Variants in AUTS2 observed in about 807,000 individuals in gnomAD.
The protein encoded by AUTS2 is activator of transcription and developmental regulator AUTS2, also known as autism susceptibility gene 2 protein.
A neutral mutation model predicts 112.4 loss-of-function variants in AUTS2; 17 were observed. That is an observed-to-expected ratio of 0.15 (90% CI 0.10 to 0.23). The LOEUF is 0.23. AUTS2 is among the 10% of genes least tolerant of loss of function. AUTS2 has a pLI of 1.00. For synonymous variants in AUTS2, 751 were observed against 702.7 expected (o/e 1.07, Z -1.09); for missense variants, 1,510 against 1,701.6 (o/e 0.89, Z 1.98).
intron 1 of AUTS2, among the ~76,000 whole-genome samples, chr7:69,661,696 G>C: frequency 6.6e-6 from 1 of 152,196 alleles, no homozygotes. Context: ...CTGAGGTAGT[G>C]TTCCACAGTG....
chr7:70,584,888 G>A (rs909101326), intron 5 of AUTS2, among the ~76,000 whole-genome samples: 1 of 152,238 alleles, frequency 6.6e-6, no homozygotes, highest in African/African-American at 2.4e-5. Flanking sequence ...TGGAAGCCTG[G>A]CCTCACCCAG....
intron 4 of AUTS2, chr7:70,291,152 T>A (rs1252241332): frequency 6.6e-6 from 1 of 152,198 alleles, no homozygotes; most frequent in Non-Finnish European, 1.5e-5. Context: ...TCAGCAGCTT[T>A]ATCTACCATA....
At chr7:70,581,802 A>AT (rs1486417186) in intron 5 of AUTS2, among the ~76,000 whole-genome samples, 2 of 152,190 alleles carry the variant, frequency 1.3e-5, no homozygotes, top group East Asian at 1.9e-4. Context: ...TAATTCAGGC[A>AT]TTTTTTTAAT....
intron 4 of AUTS2, among the ~76,000 whole-genome samples, chr7:70,410,398 T>TTTTTTTTATTTATTTA (rs1554394747): frequency 3.6e-5 from 5 of 140,766 alleles, no homozygotes; most frequent in African/African-American, 1.3e-4. Context: ...AGGGTTTGTC[T>TTTTTTTTATTTATTTA]TTTATTTATT....
Position 69,694,118 on chromosome 7 carries a change from G to A in AUTS2, c.309+94156G>A, listed in dbSNP as rs1206343056. Reference sequence around the variant, plus strand: ...TTGCAGTGATGGCTTCCTTAGACTCGTGTGTGATTGTTGCTGGGGCAGTTA... The same window carrying A: ...TTGCAGTGATGGCTTCCTTAGACTCATGTGTGATTGTTGCTGGGGCAGTTA... On this transcript the variant is annotated intron_variant, in intron 1 of 18. Transcript: ENST00000342771. Among the ~76,000 whole-genome samples, 9 of 152,240 alleles carry A rather than the reference G, an allele frequency of 5.9e-5. 1 individual carries two copies. The South Asian group carries it at 1.7e-3, about 28-fold the overall frequency.
intron 5 of AUTS2, among the ~76,000 whole-genome samples, chr7:70,513,720 GTGCAATCTCGGCTCAC>G (rs1415280660): frequency 6.6e-6 from 1 of 150,870 alleles, no homozygotes; most frequent in Non-Finnish European, 1.5e-5. Flanking sequence ...GAGTGTAGTG[GTGCAATCTCGGCTCAC>G]TGCAACCTCT....
chr7:70,103,212 G>T (rs1804592333), intron 2 of AUTS2, among the ~76,000 whole-genome samples: 1 of 152,070 alleles, frequency 6.6e-6, no homozygotes, highest in Non-Finnish European at 1.5e-5. Context: ...ACTCTGGAGG[G>T]GTAGCATAAT....
chr7:70,508,584 A>G (rs1304703316), intron 5 of AUTS2, among the ~76,000 whole-genome samples: 2 of 152,184 alleles, frequency 1.3e-5, no homozygotes, highest in Non-Finnish European at 2.9e-5. Context: ...AACTCCAACA[A>G]TGAAGACAGA....
At chr7:70,632,971 T>C (rs972477828) in intron 5 of AUTS2, among the ~76,000 whole-genome samples, 2 of 151,416 alleles carry the variant, frequency 1.3e-5, no homozygotes, top group Admixed American at 6.6e-5. Context: ...CCAGGAGCAG[T>C]AGGCAAAGCC....
intron 1 of AUTS2, among the ~76,000 whole-genome samples, chr7:69,647,587 C>T (rs762338216): frequency 2.0e-5 from 3 of 152,134 alleles, no homozygotes; most frequent in Non-Finnish European, 1.5e-5. Flanking sequence ...AACTCCTGGG[C>T]TCAAACAATC....
chr7:69,908,512 T>C (rs751812470), intron 2 of AUTS2, among the ~76,000 whole-genome samples: 21 of 152,174 alleles, frequency 1.4e-4, no homozygotes, highest in Non-Finnish European at 2.9e-4. Context: ...AGCTCACAAA[T>C]GTGGGCAAGT....
intron 4 of AUTS2, among the ~76,000 whole-genome samples, chr7:70,384,033 G>A (rs1793497380): frequency 6.6e-6 from 1 of 151,828 alleles, no homozygotes; most frequent in African/African-American, 2.4e-5. Context: ...TTAGGGAAAA[G>A]AAAGAAAGAA....
chr7:70,624,304 C>A (rs556203324), intron 5 of AUTS2, among the ~76,000 whole-genome samples: 1 of 152,202 alleles, frequency 6.6e-6, no homozygotes, highest in African/African-American at 2.4e-5. Context: ...ACATTTTGCC[C>A]CATCTGCCCA....
intron 4 of AUTS2, among the ~76,000 whole-genome samples, chr7:70,359,752 G>A (rs998180255): frequency 2.0e-5 from 3 of 152,118 alleles, no homozygotes; most frequent in African/African-American, 4.8e-5. Context: ...AAATTTCCAC[G>A]TGAGTTTTGG....
At chr7:69,921,944 A>G in intron 2 of AUTS2, among the ~76,000 whole-genome samples, 1 of 151,884 alleles carries the variant, frequency 6.6e-6, no homozygotes, top group East Asian at 1.9e-4. Flanking sequence ...CATGCCTGTA[A>G]TCCCAGCTGC....
chr7:69,908,172 A>T (rs1410259750), intron 2 of AUTS2, among the ~76,000 whole-genome samples: 2 of 152,160 alleles, frequency 1.3e-5, no homozygotes, highest in Non-Finnish European at 2.9e-5. Context: ...TTTCACTACT[A>T]TCACTCTTTG....
intron 5 of AUTS2, among the ~76,000 whole-genome samples, chr7:70,628,967 G>A (rs992890973): frequency 1.3e-5 from 2 of 152,162 alleles, no homozygotes; most frequent in African/African-American, 4.8e-5. Context: ...AGGATGTCGG[G>A]AAGTGCCTGT....
intron 4 of AUTS2, among the ~76,000 whole-genome samples, chr7:70,343,470 C>T (rs973072890): frequency 3.9e-5 from 6 of 152,150 alleles, no homozygotes; most frequent in Admixed American, 1.3e-4. Context: ...TCACTGAGAA[C>T]GCATGGATGG....
chr7:70,567,094 C>T (rs1335799703), intron 5 of AUTS2, among the ~76,000 whole-genome samples: 2 of 152,154 alleles, frequency 1.3e-5, no homozygotes, highest in Non-Finnish European at 2.9e-5. Flanking sequence ...AGGCCATTGC[C>T]GTTTTTTATA....
Sources: gnomAD v4.1 joint callset for allele counts (sites outside exome capture counted in the v4.1 genomes callset) on GRCh38, gnomAD v4.1.1 for gene constraint, MANE v1.5 for transcripts, NCBI Gene and HGNC (gene_info 2026-07-23, HGNC 2026-07-21) for gene names.